The following REPS1 variants were observed in gnomAD, a reference collection of about 807,000 sequenced individuals.
The protein encoded by REPS1 is ralBP1-associated Eps domain-containing protein 1.
In REPS1, 39 loss-of-function variants were observed where a neutral mutation model predicts 100.9. The observed-to-expected ratio is 0.39, with a 90% CI of 0.30 to 0.50. The LOEUF is 0.50. REPS1 is among the 20% of genes least tolerant of loss of function. The pLI is 0.86. For synonymous variants in REPS1, 324 were observed against 340.3 expected (o/e 0.95, Z 0.53); for missense variants, 821 against 968.5 (o/e 0.85, Z 2.02).
chr6:138,971,521 A>T (rs11963818), intron 1 of REPS1, among the ~76,000 whole-genome samples: 13,320 of 152,082 alleles, frequency 0.088, 1,223 homozygotes, highest in African/African-American at 0.23. Context: ...ATTCTACCAT[A>T]ATTTATTTCT....
rs1782532078 is a variant in REPS1, at chr6:138,945,254, C to A, written c.593G>T (p.Gly198Val). 2 of 1,610,404 alleles carry A rather than the reference C, an allele frequency of 1.2e-6. No individual in the cohort carries two copies. Among genetic ancestry groups the A allele is most frequent in the South Asian group, 1.1e-5 (1 of 90,608 alleles). Residue 198 changes from glycine to valine, a missense_variant, in exon 4 of 20, where the codon GGG becomes GTG. Physicochemically the swap from Gly to Val is moderately radical, Grantham distance 109 (BLOSUM62 -3). Transcript: ENST00000450536. ...TTCACCAAAGGGAGACCAAAATGGC[C>A]CAGGTCCCGCGAGAGGCCTCTCACT... ...GNSERPLAGPGPFWSPFGEAQ... is the reference protein window; with the variant it reads ...GNSERPLAGPVPFWSPFGEAQ...
chr6:138,911,052 T>G (rs1367212605), intron 17 of REPS1: 1 of 423,150 alleles, frequency 2.4e-6, no homozygotes, highest in African/African-American at 2.0e-5. Context: ...GTGGGAAGAA[T>G]GCAATAACCA....
intron 7 of REPS1, 113 bp from the exon 8 acceptor site, chr6:138,941,602 A>G: frequency 2.0e-6 from 2 of 1,004,178 alleles, no homozygotes; most frequent in Non-Finnish European, 3.0e-6. Context: ...CTCAGTAATT[A>G]TAAAAATCCC....
chr6:138,923,947 C>T (rs1335996385), intron 10 of REPS1, among the ~76,000 whole-genome samples: 1 of 152,080 alleles, frequency 6.6e-6, no homozygotes, highest in Admixed American at 6.5e-5. Context: ...CCCTTGTAAT[C>T]TGAATGTGCC....
intron 1 of REPS1, among the ~76,000 whole-genome samples, chr6:138,978,819 T>C (rs1784747962): frequency 6.6e-6 from 1 of 152,158 alleles, no homozygotes; most frequent in African/African-American, 2.4e-5. Context: ...ACTAAATCTA[T>C]ATTCCACCCA....
At chr6:138,913,808 C>T (rs1422146591) in intron 15 of REPS1, among the ~76,000 whole-genome samples, 3 of 152,194 alleles carry the variant, frequency 2.0e-5, no homozygotes, top group Admixed American at 6.5e-5. Flanking sequence ...AAACCTCCAT[C>T]GCTTTGTGGA....
chr6:138,916,107 A>C (rs1271846629), intron 13 of REPS1, 131 bp from the exon 14 acceptor site: 2 of 730,724 alleles, frequency 2.7e-6, no homozygotes, highest in Admixed American at 4.4e-5. Context: ...CAAGTATGTA[A>C]GTGTTACAAT....
intron 8 of REPS1, 145 bp downstream of exon 8, chr6:138,941,190 C>T: frequency 1.2e-6 from 1 of 858,534 alleles, no homozygotes; most frequent in South Asian, 1.8e-5. Context: ...GCCCATACAT[C>T]CTATTCTGAT....
intron 17 of REPS1, 89 bp downstream of exon 17, chr6:138,911,187 A>G: frequency 1.2e-6 from 1 of 835,626 alleles, no homozygotes; most frequent in Non-Finnish European, 2.0e-6. Context: ...GAAATGGGTT[A>G]GATGATTTCT....
At chr6:138,924,928 A>G (rs1010641892) in intron 10 of REPS1, among the ~76,000 whole-genome samples, 2 of 152,252 alleles carry the variant, frequency 1.3e-5, no homozygotes, top group African/African-American at 4.8e-5. Context: ...GATAATCTAC[A>G]TATCAACTGG....
At chr6:138,953,131 C>T (rs1435751494) in intron 1 of REPS1, among the ~76,000 whole-genome samples, 1 of 152,034 alleles carries the variant, frequency 6.6e-6, no homozygotes, top group Admixed American at 6.6e-5. Flanking sequence ...GCCATTGCGC[C>T]AAATTATATA....
At chr6:138,984,447 C>A in intron 1 of REPS1, among the ~76,000 whole-genome samples, 1 of 152,148 alleles carries the variant, frequency 6.6e-6, no homozygotes, top group East Asian at 1.9e-4. Flanking sequence ...AGTCTCAGCA[C>A]TATTGACATC....
chr6:138,960,129 C>T (rs1783645393), intron 1 of REPS1, among the ~76,000 whole-genome samples: 1 of 152,130 alleles, frequency 6.6e-6, no homozygotes, highest in Non-Finnish European at 1.5e-5. Context: ...ATTTTTAGCC[C>T]ACAAGAAGTA....
rs528542431 is a variant in REPS1, at chr6:138,931,750, T to C, written c.1136-1652A>G. 2.3e-3 allele frequency among the ~76,000 whole-genome samples: 348 copies of C among 150,922 alleles called. 2 individuals are homozygous for C. In the Middle Eastern group the frequency reaches 0.038, roughly 16 times the overall value. On this transcript the variant is annotated intron_variant, in intron 8 of 19. Coordinates refer to ENST00000450536, the MANE Select transcript of REPS1 (RefSeq NM_001286611.2). The stretch of plus-strand genomic sequence containing the variant: ...ATAAACAATAGTAGCAAATTCCTCA[T>C]TGGATAGTTTTCATTGGGAAAAAAA...
At chr6:138,905,253 T>C in intron 19 of REPS1, 121 bp from the exon 20 acceptor site, 1 of 629,922 alleles carries the variant, frequency 1.6e-6, no homozygotes, top group East Asian at 2.8e-5. Flanking sequence ...GGAGAGCTTA[T>C]TCATATTTTA....
At chr6:138,979,199 A>AC (rs1380945591) in intron 1 of REPS1, among the ~76,000 whole-genome samples, 8 of 116,056 alleles carry the variant, frequency 6.9e-5, no homozygotes, top group African/African-American at 3.2e-4. Flanking sequence ...AAAAAAAAAC[A>AC]AAAAAAAAAA....
intron 1 of REPS1, among the ~76,000 whole-genome samples, chr6:138,982,585 C>A (rs1785014899): frequency 6.6e-6 from 1 of 152,172 alleles, no homozygotes; most frequent in South Asian, 2.1e-4. Context: ...GAAAAGCTGA[C>A]TTTTAAGCCA....
chr6:138,949,545 G>A (rs528300128), intron 1 of REPS1, among the ~76,000 whole-genome samples: 2 of 152,108 alleles, frequency 1.3e-5, no homozygotes, highest in East Asian at 3.9e-4. Flanking sequence ...TGGCCAACAC[G>A]GTGAAACCCA....
intron 8 of REPS1, chr6:138,934,260 C>T: frequency 2.2e-6 from 1 of 464,218 alleles, no homozygotes; most frequent in South Asian, 1.6e-5. Context: ...CCTGCTGGAA[C>T]ACTGTGTCAA....
Sources: allele counts gnomAD v4.1 joint callset (sites outside exome capture counted in the v4.1 genomes callset), GRCh38; gene constraint gnomAD v4.1.1; transcripts MANE v1.5; gene names NCBI Gene and HGNC (gene_info 2026-07-23, HGNC 2026-07-21).